Variants in MOCOS observed in about 807,000 individuals in gnomAD.
The protein encoded by MOCOS is human molybdenum cofactor sulfurase.
MOCOS carries 86 observed loss-of-function variants against 83.6 expected under a neutral mutation model. The ratio of observed to expected loss-of-function variants is 1.03; its 90% confidence interval spans 0.86 to 1.23. The LOEUF is 1.23. Ranked by LOEUF, MOCOS falls within the 50% of genes most tolerant of loss-of-function variation. The pLI, the probability that MOCOS is intolerant of heterozygous loss-of-function variation, is 0.00. For missense variants in MOCOS, 1,120 were observed against 1,126.9 expected (o/e 0.99, Z 0.09); for synonymous variants, 445 against 434.7 (o/e 1.02, Z -0.29).
rs759533195 is a variant in MOCOS at position 36,191,568 on chromosome 18, C to T, written c.143-3689C>T. Reference sequence around the variant, plus strand: ...AAGCTATCCTCTTGCCTCAGCCTCCCAAGTAGCTGGGACTACAGGTGTGCA... The same window carrying T: ...AAGCTATCCTCTTGCCTCAGCCTCCTAAGTAGCTGGGACTACAGGTGTGCA... On this transcript the variant is annotated intron_variant, in intron 1 of 14. Coordinates refer to ENST00000261326, the MANE Select transcript of MOCOS (RefSeq NM_017947.4). Among the ~76,000 whole-genome samples, 10 of 152,294 alleles carry T rather than the reference C, an allele frequency of 6.6e-5. 1 individual carries two copies. The South Asian group carries it at 1.2e-3, about 19-fold the overall frequency.
At chr18:36,250,158 A>T (rs1455049472) in intron 10 of MOCOS, among the ~76,000 whole-genome samples, 3 of 152,174 alleles carry the variant, frequency 2.0e-5, no homozygotes, top group Non-Finnish European at 4.4e-5. Context: ...CCCATATACT[A>T]AAACAGTTAA....
At chr18:36,202,421 T>G (rs1246655690) in intron 4 of MOCOS, among the ~76,000 whole-genome samples, 2 of 152,142 alleles carry the variant, frequency 1.3e-5, no homozygotes, top group Non-Finnish European at 2.9e-5. Flanking sequence ...TTCAAACTCT[T>G]GGCCTCAAGT....
intron 9 of MOCOS, among the ~76,000 whole-genome samples, chr18:36,224,710 G>A (rs1031900004): frequency 2.2e-4 from 34 of 152,210 alleles, no homozygotes; most frequent in African/African-American, 6.7e-4. Context: ...GTTTATATTC[G>A]TCAGGGATAT....
chr18:36,241,123 C>T (rs530826157), intron 9 of MOCOS, among the ~76,000 whole-genome samples: 81 of 152,168 alleles, frequency 5.3e-4, no homozygotes, highest in Non-Finnish European at 5.4e-4. Context: ...AGCTGTAGAC[C>T]GGAGCTGTTC....
intron 1 of MOCOS, 109 bp from the exon 2 acceptor site, chr18:36,195,148 A>T (rs2091382090): frequency 1.1e-6 from 1 of 899,966 alleles, no homozygotes; most frequent in East Asian, 2.4e-5. Context: ...ATCAAGAGGC[A>T]CAAGTCAGTG....
intron 9 of MOCOS, among the ~76,000 whole-genome samples, chr18:36,226,888 CTT>C (rs36075117): frequency 1.6e-4 from 22 of 137,506 alleles, no homozygotes; most frequent in East Asian, 2.1e-4. Flanking sequence ...TGATGTGTAT[CTT>C]TTTTTTTTTT....
intron 8 of MOCOS, among the ~76,000 whole-genome samples, chr18:36,218,014 A>G (rs539383709): frequency 6.6e-6 from 1 of 152,236 alleles, no homozygotes; most frequent in South Asian, 2.1e-4. Context: ...CATCATCTCC[A>G]TTAGTTTAGG....
chr18:36,259,525 T>C, intron 12 of MOCOS, among the ~76,000 whole-genome samples: 1 of 145,744 alleles, frequency 6.9e-6, no homozygotes. Flanking sequence ...GGAAATACTA[T>C]CTTCTTTATT....
intron 9 of MOCOS, among the ~76,000 whole-genome samples, chr18:36,232,558 C>T (rs1390663512): frequency 1.3e-5 from 2 of 151,838 alleles, no homozygotes; most frequent in East Asian, 3.9e-4. Context: ...CCATAGTCAC[C>T]CTATTGTGCT....
At chr18:36,247,757 G>T (rs1598590599) in intron 9 of MOCOS, among the ~76,000 whole-genome samples, 1 of 152,208 alleles carries the variant, frequency 6.6e-6, no homozygotes, top group African/African-American at 2.4e-5. Flanking sequence ...TGGCCATCTT[G>T]TGTTTGCAGC....
At chr18:36,215,096 T>C (rs2144916306) in intron 7 of MOCOS, among the ~76,000 whole-genome samples, 1 of 152,244 alleles carries the variant, frequency 6.6e-6, no homozygotes, top group East Asian at 1.9e-4. Flanking sequence ...AGGCCTCCCC[T>C]CAGTAATGAG....
intron 8 of MOCOS, among the ~76,000 whole-genome samples, chr18:36,217,357 G>T (rs967730133): frequency 2.6e-5 from 4 of 152,168 alleles, no homozygotes; most frequent in Non-Finnish European, 5.9e-5. Context: ...TAAGCTTAAA[G>T]TATATTAAAA....
intron 6 of MOCOS, 66 bp downstream of exon 6, chr18:36,205,342 A>C: frequency 6.8e-7 from 1 of 1,476,582 alleles, no homozygotes. Flanking sequence ...AGAGCAATGT[A>C]GTGTGACAAA....
intron 1 of MOCOS, 120 bp from the exon 2 acceptor site, chr18:36,195,123 GATTAAGAGGCACAT>G (rs1199852242): frequency 1.8e-5 from 14 of 766,390 alleles, no homozygotes; most frequent in Admixed American, 3.8e-5. Context: ...CCTACACTTG[GATTAAGAGGCACAT>G]ATCAAGAGGC....
In MOCOS at chr18:36,203,152, G is replaced by T; in HGVS notation, c.981G>T (p.Ala327=). The change falls in exon 5 of 15, where the codon GCG becomes GCT. Residue 327 remains alanine (A), a synonymous_variant. Transcript: ENST00000261326. ...CCATCTCATTCCTTGATGTTATCGC[G>T]CTAAAACATGGATTTGACACCCTAG... The part of the protein sequence containing the change: ...DGTISFLDVI[A]LKHGFDTLER... 1.2e-6 allele frequency: 2 copies of T among 1,614,158 alleles called. No homozygotes were observed. The highest frequency in any genetic ancestry group is 1.1e-5 in the South Asian group (1 of 91,088).
chr18:36,194,927 A>G (rs1015062164), intron 1 of MOCOS, among the ~76,000 whole-genome samples: 1 of 152,224 alleles, frequency 6.6e-6, no homozygotes, highest in African/African-American at 2.4e-5. Context: ...CCTCCAGAAT[A>G]GGTTGTGAGT....
Position 36,268,839 on chromosome 18 carries a change from C to G in MOCOS, c.*154C>G. On this transcript the variant is annotated 3_prime_UTR_variant, in exon 15 of 15. Transcript: ENST00000261326. ...CTCACCTGCTTCCTTCTGCCTTTGA[C>G]TTCTCACCCTGCAAATTTGCACTGG... 1 of 695,776 alleles carries G rather than the reference C, an allele frequency of 1.4e-6. No individual in the cohort carries two copies. Among genetic ancestry groups the G allele is most frequent in the African/African-American group, 1.8e-5 (1 of 55,878 alleles). 43.1% of individuals were successfully genotyped at this position (695,776 alleles called of 1,614,324 possible).
At chr18:36,211,655 T>A (rs1292567049) in intron 6 of MOCOS, among the ~76,000 whole-genome samples, 1 of 151,980 alleles carries the variant, frequency 6.6e-6, no homozygotes, top group East Asian at 1.9e-4. Context: ...TGGGCCTGTG[T>A]GGGATTCCCC....
chr18:36,208,292 C>T (rs1054406477), intron 6 of MOCOS, among the ~76,000 whole-genome samples: 2 of 124,118 alleles, frequency 1.6e-5, no homozygotes, highest in African/African-American at 6.0e-5. Context: ...TTTTTTGGTT[C>T]CATATGAATT....
Sources: gnomAD v4.1 joint callset for allele counts (sites outside exome capture counted in the v4.1 genomes callset) on GRCh38, gnomAD v4.1.1 for gene constraint, MANE v1.5 for transcripts, NCBI Gene and HGNC (gene_info 2026-07-23, HGNC 2026-07-21) for gene names.